PLCB1: variants seen among roughly 807,000 people sequenced by gnomAD.
PLCB1 encodes the protein phospholipase C beta 1, also known as 1-phosphatidylinositol 4,5-bisphosphate phosphodiesterase beta-1.
PLCB1 carries 46 observed loss-of-function variants against 161.8 expected under a neutral mutation model. That is an observed-to-expected ratio of 0.28 (90% confidence interval 0.22 to 0.36). PLCB1 has a LOEUF of 0.36. PLCB1 is among the 10% of genes least tolerant of loss of function. The probability of loss-of-function intolerance (pLI) is 1.00; values close to 1 mark genes in which losing one functional copy is unlikely to be tolerated. For synonymous variants in PLCB1, 517 were observed against 503.7 expected, an observed-to-expected ratio of 1.03 and a Z score of -0.35; for missense variants, 1,016 against 1,472.5, an observed-to-expected ratio of 0.69 and a Z score of 5.07.
At chr20:8,562,260 A>C (rs1986165546) in intron 3 of PLCB1, among the ~76,000 whole-genome samples, 1 of 152,058 alleles carries the variant, frequency 6.6e-6, no homozygotes, top group African/African-American at 2.4e-5. Flanking sequence ...TTGTAATGAC[A>C]AGACCCCACT....
chr20:8,316,492 T>G (rs1400618564), intron 2 of PLCB1, among the ~76,000 whole-genome samples: 2 of 152,144 alleles, frequency 1.3e-5, no homozygotes, highest in Non-Finnish European at 2.9e-5. Context: ...CTCACGCCAA[T>G]TCAGGACAGT....
chr20:8,473,141 G>A (rs913179017), intron 3 of PLCB1, among the ~76,000 whole-genome samples: 1 of 152,106 alleles, frequency 6.6e-6, no homozygotes, highest in Non-Finnish European at 1.5e-5. Context: ...AGGGACACTG[G>A]GGCATGTAAT....
intron 3 of PLCB1, among the ~76,000 whole-genome samples, chr20:8,446,425 A>C (rs1197026600): frequency 2.0e-5 from 3 of 152,214 alleles, no homozygotes; most frequent in African/African-American, 7.2e-5. Context: ...AATAAGAGCT[A>C]TTTATGACAA....
Position 8,417,073 on chromosome 20 carries a change from A to ATTTTTT in PLCB1, c.246+45649_246+45654dup, listed in dbSNP as rs3031852. ...CACACACATATATATATATATATAT[A>ATTTTTT]TTTTTTTTTTTTTTTTTTTTTTTTT... On this transcript the variant is annotated intron_variant, in intron 3 of 31. Coordinates refer to ENST00000338037, the MANE Select transcript of PLCB1 (RefSeq NM_015192.4). Among the ~76,000 whole-genome samples, 14 of 39,892 alleles carry ATTTTTT rather than the reference A, an allele frequency of 3.5e-4. 2 individuals carry two copies. Among genetic ancestry groups the ATTTTTT allele is most frequent in the Non-Finnish European group, 5.4e-4 (13 of 23,954 alleles). 26.2% of individuals were successfully genotyped at this position (39,892 alleles called of 152,430 possible). A position where few individuals can be genotyped will look rare whatever the true frequency, so the allele number is the denominator to read the frequency against.
At chr20:8,704,009 G>A (rs749230495) in intron 11 of PLCB1, among the ~76,000 whole-genome samples, 1 of 152,132 alleles carries the variant, frequency 6.6e-6, no homozygotes, top group Non-Finnish European at 1.5e-5. Flanking sequence ...ATTATTAAAG[G>A]CAGCTGGAGA....
intron 3 of PLCB1, among the ~76,000 whole-genome samples, chr20:8,557,262 A>G (rs918677716): frequency 6.6e-6 from 1 of 152,026 alleles, no homozygotes; most frequent in Non-Finnish European, 1.5e-5. Context: ...TCATAGCAGC[A>G]TTATTCACAA....
At chr20:8,268,287 G>A (rs1396322118) in intron 2 of PLCB1, among the ~76,000 whole-genome samples, 3 of 152,022 alleles carry the variant, frequency 2.0e-5, no homozygotes, top group African/African-American at 7.2e-5. Flanking sequence ...CCCTACAAAG[G>A]ACATGAACTC....
chr20:8,586,366 T>G (rs6055927), intron 3 of PLCB1, among the ~76,000 whole-genome samples: 24,900 of 151,924 alleles, frequency 0.16, 2,365 homozygotes, highest in African/African-American at 0.28. Context: ...GTTTTTTTTT[T>G]TGCCTAAAAA....
At chr20:8,691,794 T>C (rs1272961359) in intron 10 of PLCB1, among the ~76,000 whole-genome samples, 1 of 152,174 alleles carries the variant, frequency 6.6e-6, no homozygotes, top group Non-Finnish European at 1.5e-5. Flanking sequence ...AATTGTATCA[T>C]TGAGAGAAAT....
At chr20:8,676,626 A>T (rs1262475398) in intron 9 of PLCB1, among the ~76,000 whole-genome samples, 1 of 152,150 alleles carries the variant, frequency 6.6e-6, no homozygotes, top group African/African-American at 2.4e-5. Context: ...AGACCTAAAG[A>T]TATCAATATT....
intron 3 of PLCB1, among the ~76,000 whole-genome samples, chr20:8,547,588 A>G (rs1985602667): frequency 6.6e-6 from 1 of 151,982 alleles, no homozygotes; most frequent in Non-Finnish European, 1.5e-5. Flanking sequence ...TTCTGGATTC[A>G]TTCTGTCCTG....
In PLCB1 at chr20:8,807,163, C is replaced by T. The variant is rs192545010; in HGVS notation, c.3423+16902C>T. On this transcript the variant is annotated intron_variant, in intron 31 of 31. Transcript: ENST00000338037. ...CGTGAAGGATGCGATTAATTAAAGT[C>T]GGAAGTTTGTCACTGAAATAATAGT... Among the ~76,000 whole-genome samples, 347 of 152,134 alleles carry T rather than the reference C, an allele frequency of 2.3e-3. 1 individual carries two copies. Among genetic ancestry groups the T allele is most frequent in the African/African-American group, 7.8e-3 (325 of 41,484 alleles).
At chr20:8,509,233 C>T (rs940323954) in intron 3 of PLCB1, among the ~76,000 whole-genome samples, 5 of 149,986 alleles carry the variant, frequency 3.3e-5, no homozygotes, top group African/African-American at 1.0e-4. Flanking sequence ...TACAGAGTGA[C>T]CCCCCACAAG....
At chr20:8,424,778 A>G (rs536710640) in intron 3 of PLCB1, among the ~76,000 whole-genome samples, 10 of 152,324 alleles carry the variant, frequency 6.6e-5, no homozygotes, top group African/African-American at 2.2e-4. Context: ...GGCGTTTTGC[A>G]CAAAGAATTG....
intron 23 of PLCB1, 65 bp from the exon 24 acceptor site, chr20:8,756,981 G>T (rs1249942254): frequency 2.1e-6 from 3 of 1,425,912 alleles, no homozygotes; most frequent in Non-Finnish European, 2.9e-6. Flanking sequence ...TAGCCTTGTT[G>T]GTTTAGGAAG....
chr20:8,727,856 A>T (rs1460272523), intron 17 of PLCB1, among the ~76,000 whole-genome samples: 1 of 152,090 alleles, frequency 6.6e-6, no homozygotes, highest in Non-Finnish European at 1.5e-5. Context: ...GATGATGATG[A>T]TGACATTGTA....
intron 9 of PLCB1, among the ~76,000 whole-genome samples, chr20:8,664,933 C>A (rs941694971): frequency 6.6e-6 from 1 of 152,090 alleles, no homozygotes; most frequent in Non-Finnish European, 1.5e-5. Flanking sequence ...AAGGCCACTT[C>A]TAAATTAGAA....
At chr20:8,530,400 A>G (rs1291836436) in intron 3 of PLCB1, among the ~76,000 whole-genome samples, 1 of 152,106 alleles carries the variant, frequency 6.6e-6, no homozygotes, top group African/African-American at 2.4e-5. Context: ...TATATTTGCT[A>G]TAATCTACTT....
chr20:8,692,602 C>G (rs1048743632), intron 10 of PLCB1, among the ~76,000 whole-genome samples: 3 of 152,098 alleles, frequency 2.0e-5, no homozygotes, highest in Non-Finnish European at 4.4e-5. Context: ...GCAGTGTATT[C>G]CCTCACACAG....
Sources: allele counts gnomAD v4.1 joint callset (sites outside exome capture counted in the v4.1 genomes callset), GRCh38; gene constraint gnomAD v4.1.1; transcripts MANE v1.5; gene names NCBI Gene and HGNC (gene_info 2026-07-23, HGNC 2026-07-21).